The following ZNF346 variants were observed in gnomAD, a reference collection of about 807,000 sequenced individuals.
The protein encoded by ZNF346 is zinc finger protein 346.
Under a neutral mutation model 33.7 loss-of-function variants are expected in ZNF346, and 23 were observed. That is an observed-to-expected ratio of 0.68 (90% CI 0.49 to 0.97). ZNF346 has a LOEUF of 0.97. Among genes scored for constraint, ZNF346 ranks in the 50% least tolerant of loss-of-function variants. The probability of loss-of-function intolerance (pLI) is 0.00; values close to 1 mark genes in which losing one functional copy is unlikely to be tolerated. For synonymous variants in ZNF346, 134 were observed against 142.4 expected (o/e 0.94, Z 0.42); for missense variants, 340 against 371.1 (o/e 0.92, Z 0.69).
intron 3 of ZNF346, among the ~76,000 whole-genome samples, chr5:177,043,703 G>A (rs1442349049): frequency 1.3e-5 from 2 of 152,040 alleles, no homozygotes; most frequent in Non-Finnish European, 2.9e-5. Context: ...GGTGGAGGTT[G>A]CAGTGAGCCG....
At chr5:177,060,674 G>A (rs1257584488) in intron 5 of ZNF346, among the ~76,000 whole-genome samples, 1 of 152,134 alleles carries the variant, frequency 6.6e-6, no homozygotes, top group African/African-American at 2.4e-5. Flanking sequence ...TAGGCATGGT[G>A]GCACGCACCA....
At chr5:177,028,999 G>A (rs777480484) in intron 1 of ZNF346, among the ~76,000 whole-genome samples, 17 of 151,836 alleles carry the variant, frequency 1.1e-4, no homozygotes, top group Non-Finnish European at 2.1e-4. Flanking sequence ...GATTACAGGC[G>A]TGAGCCACCG....
chr5:177,060,718 G>A (rs994759300), intron 5 of ZNF346, among the ~76,000 whole-genome samples: 1 of 152,086 alleles, frequency 6.6e-6, no homozygotes, highest in African/African-American at 2.4e-5. Context: ...TGAGGCAGGA[G>A]AATCGCTTGA....
intron 1 of ZNF346, among the ~76,000 whole-genome samples, chr5:177,039,592 G>A (rs1779068937): frequency 6.6e-6 from 1 of 152,110 alleles, no homozygotes. Flanking sequence ...CTCCCATGAA[G>A]CTGGAACCAC....
intron 6 of ZNF346, among the ~76,000 whole-genome samples, chr5:177,064,297 A>C (rs1782917671): frequency 1.3e-5 from 2 of 152,228 alleles, no homozygotes; most frequent in Non-Finnish European, 2.9e-5. Context: ...CTTGTATGTA[A>C]AATGAGGGTG....
intron 5 of ZNF346, among the ~76,000 whole-genome samples, chr5:177,059,502 G>A (rs1393640884): frequency 6.6e-6 from 1 of 152,206 alleles, no homozygotes; most frequent in Non-Finnish European, 1.5e-5. Flanking sequence ...CTCCAGGCTT[G>A]TGTTTCTCTC....
chr5:177,023,369 C>A lies in ZNF346; in HGVS notation c.175+456C>A. On this transcript the variant is annotated intron_variant, in intron 1 of 6. Coordinates refer to ENST00000358149, the MANE Select transcript of ZNF346 (RefSeq NM_012279.4). ...GGGCTCTGGAAGGCCTTCTCCTTACCCCCTGGGTTCCTCCTGGTCTTGATG... is the reference window on the plus strand; with the variant it reads ...GGGCTCTGGAAGGCCTTCTCCTTACACCCTGGGTTCCTCCTGGTCTTGATG... 4.4e-6 allele frequency: 3 copies of A among 686,256 alleles called. No homozygotes were observed. In the Admixed American group the frequency reaches 7.0e-5, roughly 16 times the overall value. The allele number at this position is 686,256 out of a possible 1,614,324, so 42.5% of individuals were successfully genotyped here.
chr5:177,030,291 A>G (rs1777484679), intron 1 of ZNF346, among the ~76,000 whole-genome samples: 1 of 152,106 alleles, frequency 6.6e-6, no homozygotes, highest in African/African-American at 2.4e-5. Flanking sequence ...ATTGCGTTCA[A>G]AGAATATACT....
At chr5:177,070,837 G>A (rs542398040), downstream of ZNF346, among the ~76,000 whole-genome samples, 107 of 151,670 alleles carry the variant, frequency 7.1e-4, 2 homozygotes, top group African/African-American at 2.5e-3. Context: ...GGGGCCCAGC[G>A]AAAAGTCACC....
chr5:177,042,838 C>T (rs1482142057), intron 3 of ZNF346, among the ~76,000 whole-genome samples: 1 of 152,040 alleles, frequency 6.6e-6, no homozygotes, highest in Non-Finnish European at 1.5e-5. Context: ...TCAAGTGATC[C>T]TCCCACTTCA....
chr5:177,065,889 T>G lies in ZNF346; in HGVS notation c.*1290T>G, dbSNP rs979814580. 5.3e-5 allele frequency: 8 copies of G among 151,152 alleles called. No homozygotes were observed. Among genetic ancestry groups the G allele is most frequent in the African/African-American group, 1.2e-4 (5 of 40,996 alleles). 9.4% of individuals were successfully genotyped at this position (151,152 alleles called of 1,614,324 possible). On this transcript the variant is annotated 3_prime_UTR_variant, in exon 7 of 7. Transcript: ENST00000358149. ...GTGTGTGTGTGTGTGTGTTTGTGTG[T>G]ATGTGTGTGCTTCTGTGTGTGCCTA...
At chr5:177,046,988 T>C (rs1378436700) in intron 4 of ZNF346, among the ~76,000 whole-genome samples, 2 of 152,094 alleles carry the variant, frequency 1.3e-5, no homozygotes, top group East Asian at 3.9e-4. Flanking sequence ...AGTATGCACA[T>C]ATGGATTACA....
chr5:177,052,375 G>A, intron 5 of ZNF346: 1 of 150,684 alleles, frequency 6.6e-6, no homozygotes, highest in Admixed American at 6.7e-5. Context: ...AGAGACAAGA[G>A]TTTCACCGTG....
rs531845174 is a variant in ZNF346 at position 177,065,639 on chromosome 5, A to G, written c.*1040A>G. The stretch of plus-strand genomic sequence containing the variant: ...GGAACAGGCGTTTCCCAGGCCCCAC[A>G]CCCAGATTTCTCTATCTTTGCTGTG... On this transcript the variant is annotated 3_prime_UTR_variant, in exon 7 of 7. Coordinates refer to ENST00000358149, the MANE Select transcript of ZNF346 (RefSeq NM_012279.4). 1 of 152,536 alleles carries G rather than the reference A, an allele frequency of 6.6e-6. No homozygotes were observed. The highest frequency in any genetic ancestry group is 2.1e-4 in the South Asian group (1 of 4,812). 9.4% of individuals were successfully genotyped at this position (152,536 alleles called of 1,614,324 possible). A position where few individuals can be genotyped will look rare whatever the true frequency, so the allele number is the denominator to read the frequency against.
chr5:177,034,562 C>T (rs1778208578), intron 1 of ZNF346, among the ~76,000 whole-genome samples: 1 of 152,140 alleles, frequency 6.6e-6, no homozygotes, highest in Non-Finnish European at 1.5e-5. Flanking sequence ...ATCTTGCTGT[C>T]CCACAAAAGT....
intron 4 of ZNF346, among the ~76,000 whole-genome samples, chr5:177,046,747 A>G (rs1484192896): frequency 7.2e-5 from 11 of 152,166 alleles, no homozygotes; most frequent in Non-Finnish European, 1.6e-4. Context: ...ATCTTTGTAT[A>G]TCTGTGTGTA....
chr5:177,062,132 G>A lies in ZNF346; in HGVS notation c.778G>A (p.Gly260Ser), dbSNP rs368577314. 1.2e-5 allele frequency: 19 copies of A among 1,613,836 alleles called. No individual in the cohort carries two copies. The highest frequency in any genetic ancestry group is 6.6e-5 in the South Asian group (6 of 91,066). ...SIEQYQAHVS[G>S]FKHKNQSPKT... is the part of the protein sequence containing the mutation. ...AGAACAGTACCAAGCTCATGTCAGC[G>A]GCTTCAAACACAAGAACCAGTAAGT... Residue 260 changes from glycine to serine, a missense_variant, in exon 6 of 7, where the codon GGC (glycine) becomes AGC (serine). Coordinates refer to ENST00000358149, the MANE Select transcript of ZNF346 (RefSeq NM_012279.4).
intron 5 of ZNF346, 89 bp downstream of exon 5, chr5:177,051,025 A>G: frequency 1.0e-6 from 1 of 1,003,302 alleles, no homozygotes; most frequent in African/African-American, 1.6e-5. Flanking sequence ...TTTCCTCCTT[A>G]GGTCTTGTAA....
At chr5:177,045,728 T>C (rs558044915) in intron 4 of ZNF346, among the ~76,000 whole-genome samples, 45 of 152,068 alleles carry the variant, frequency 3.0e-4, no homozygotes, top group African/African-American at 1.1e-3. Context: ...TGGCCTTAAG[T>C]GATACTCCCA....
Sources: allele counts gnomAD v4.1 joint callset (sites outside exome capture counted in the v4.1 genomes callset), GRCh38; gene constraint gnomAD v4.1.1; transcripts MANE v1.5; gene names NCBI Gene and HGNC (gene_info 2026-07-23, HGNC 2026-07-21).